MFSD11: variants seen among roughly 807,000 people sequenced by gnomAD.
The protein encoded by MFSD11 is UNC93-like protein MFSD11.
MFSD11 carries 36 observed loss-of-function variants against 53.5 expected under a neutral mutation model. The observed-to-expected ratio is 0.67, with a 90% CI of 0.52 to 0.89. MFSD11 has a LOEUF of 0.89. Ranked by LOEUF, MFSD11 falls within the 40% of genes least tolerant of loss-of-function variation. MFSD11 has a pLI of 0.00. For synonymous variants in MFSD11, 186 were observed against 184.9 expected, an observed-to-expected ratio of 1.01 and a Z score of -0.05; for missense variants, 530 against 543.9, an observed-to-expected ratio of 0.97 and a Z score of 0.25.
intron 7 of MFSD11, among the ~76,000 whole-genome samples, chr17:76,746,009 G>A (rs773291936): frequency 6.6e-6 from 1 of 152,134 alleles, no homozygotes; most frequent in Admixed American, 6.6e-5. Context: ...AGGAAGACAT[G>A]TAGAAAGCTG....
intron 7 of MFSD11, among the ~76,000 whole-genome samples, chr17:76,752,590 A>G (rs1358679901): frequency 6.6e-6 from 1 of 152,068 alleles, no homozygotes; most frequent in Non-Finnish European, 1.5e-5. Flanking sequence ...CATGTTGGCC[A>G]GGCTGATCTG....
intron 7 of MFSD11, among the ~76,000 whole-genome samples, chr17:76,746,401 G>A (rs1322621219): frequency 1.3e-5 from 2 of 152,226 alleles, no homozygotes; most frequent in African/African-American, 4.8e-5. Context: ...AAGTTATCCA[G>A]AAGATCTGGC....
chr17:76,755,769 C>CGT (rs67060734), intron 8 of MFSD11, among the ~76,000 whole-genome samples: 534 of 29,492 alleles, frequency 0.018, 57 homozygotes, highest in African/African-American at 0.039. Flanking sequence ...TATATATGTA[C>CGT]GTGTGTGTGT....
In MFSD11 at chr17:76,777,267, C is replaced by CAA. The variant is rs1055404399; in HGVS notation, c.1185+745_1185+746dup. Among the ~76,000 whole-genome samples the CAA allele has an allele frequency of 2.3e-3, 135 of 57,874 alleles. 1 individual carries two copies. The highest frequency in any genetic ancestry group is 0.022 in the Admixed American group (119 of 5,466). 38.0% of individuals were successfully genotyped at this position (57,874 alleles called of 152,430 possible). A position where few individuals can be genotyped will look rare whatever the true frequency, so the allele number is the denominator to read the frequency against. On this transcript the variant is annotated intron_variant, in intron 12 of 12. Coordinates refer to ENST00000685175, the MANE Select transcript of MFSD11 (RefSeq NM_001242532.5). ...TGGGCCACAGAGCGAGACTCCGTCT[C>CAA]AAAAAAAAAAAAAAAAAAAAGACAG...
At chr17:76,788,720 G>T in the MFSD11 span, among the ~76,000 whole-genome samples, 1 of 147,108 alleles carries the variant, frequency 6.8e-6, no homozygotes, top group African/African-American at 2.5e-5. Context: ...AGGCTTGGTG[G>T]CACGCGCCTG....
At chr17:76,791,356 T>A in the MFSD11 span, among the ~76,000 whole-genome samples, 1 of 149,436 alleles carries the variant, frequency 6.7e-6, no homozygotes, top group Admixed American at 6.7e-5. Flanking sequence ...TTGTCAGATA[T>A]TTCCAATTCT....
At chr17:76,743,333 T>C (rs1186800031) in intron 5 of MFSD11, 65 bp from the exon 6 acceptor site, 4 of 1,087,050 alleles carry the variant, frequency 3.7e-6, no homozygotes, top group Admixed American at 2.4e-5. Flanking sequence ...GGAATAATTA[T>C]TTTTAAAAAA....
the MFSD11 span, among the ~76,000 whole-genome samples, chr17:76,794,700 T>TTTG: frequency 1.5e-3 from 4 of 2,672 alleles, no homozygotes; most frequent in South Asian, 0.012. Flanking sequence ...TTTTTTTTTT[T>TTTG]TTTTTGTTTT....
intron 10 of MFSD11, among the ~76,000 whole-genome samples, 174 bp from the exon 11 acceptor site, chr17:76,774,823 T>C (rs1325079844): frequency 3.9e-5 from 6 of 152,266 alleles, no homozygotes; most frequent in Non-Finnish European, 7.3e-5. Flanking sequence ...TTTTTTGTTC[T>C]AATAGTTGAT....
intron 8 of MFSD11, among the ~76,000 whole-genome samples, chr17:76,766,154 C>T (rs184418827): frequency 2.6e-5 from 4 of 151,526 alleles, no homozygotes; most frequent in African/African-American, 7.3e-5. Flanking sequence ...TGATGGCTCA[C>T]GTCTGTGATC....
the MFSD11 span, among the ~76,000 whole-genome samples, chr17:76,790,800 C>G: frequency 7.3e-6 from 1 of 136,760 alleles, no homozygotes; most frequent in African/African-American, 3.4e-5. Flanking sequence ...ATTAGCCGGG[C>G]GTGGTGGCAC....
chr17:76,774,833 T>TG (rs1481151659), intron 10 of MFSD11, among the ~76,000 whole-genome samples, 164 bp from the exon 11 acceptor site: 1 of 152,248 alleles, frequency 6.6e-6, no homozygotes, highest in Non-Finnish European at 1.5e-5. Flanking sequence ...TAATAGTTGA[T>TG]GCTTGGTCAT....
chr17:76,749,230 C>T (rs2078824333), intron 7 of MFSD11, among the ~76,000 whole-genome samples: 1 of 152,076 alleles, frequency 6.6e-6, no homozygotes, highest in Non-Finnish European at 1.5e-5. Context: ...AATGTGATGG[C>T]CCATGCTTGG....
chr17:76,782,604 G>T (rs1012483862), downstream of MFSD11, among the ~76,000 whole-genome samples: 1 of 140,690 alleles, frequency 7.1e-6, no homozygotes, highest in African/African-American at 2.6e-5. Flanking sequence ...TCAGCCTCCC[G>T]AGTAGCTGGG....
At position 76,741,915 on chromosome 17, in the gene MFSD11, G is replaced by A. The variant is rs915726928; in HGVS notation, c.261-54G>A. ...AACTGATTCCTAGAAGGCATAATTGGCATTCTATTTCAGGTATCGTTTGAC... is the reference window on the plus strand; with the variant it reads ...AACTGATTCCTAGAAGGCATAATTGACATTCTATTTCAGGTATCGTTTGAC... On this transcript the variant is annotated intron_variant, in intron 3 of 12. Transcript: ENST00000685175. 2.2e-5 allele frequency: 36 copies of A among 1,612,302 alleles called. No homozygotes were observed. The Middle Eastern group carries it at 9.9e-4, about 44-fold the overall frequency.
chr17:76,758,193 T>C (rs895039086), intron 8 of MFSD11, among the ~76,000 whole-genome samples: 1 of 152,158 alleles, frequency 6.6e-6, no homozygotes, highest in African/African-American at 2.4e-5. Context: ...CAAGGTTAGA[T>C]AGCTGACTGC....
chr17:76,738,436 T>C lies in MFSD11; in HGVS notation c.84T>C (p.Cys28=). The C allele has an allele frequency of 6.2e-7, 1 of 1,613,402 alleles. No individual in the cohort carries two copies. Among genetic ancestry groups the C allele is most frequent in the Non-Finnish European group, 8.5e-7 (1 of 1,179,292 alleles). ...FMFMFTAFQT[C]GNVAQTVIRS... Reference sequence around the variant, plus strand: ...TTATGTTCACTGCCTTTCAAACTTGTGGAAATGTGGCGGTGAGTTGGAATC... The same window carrying C: ...TTATGTTCACTGCCTTTCAAACTTGCGGAAATGTGGCGGTGAGTTGGAATC... Residue 28 remains cysteine (C), a synonymous_variant, in exon 1 of 13, where the codon TGT becomes TGC. Coordinates refer to ENST00000685175, the MANE Select transcript of MFSD11 (RefSeq NM_001242532.5).
chr17:76,782,697 C>T (rs1189225291), downstream of MFSD11, among the ~76,000 whole-genome samples: 2 of 148,806 alleles, frequency 1.3e-5, no homozygotes, highest in Non-Finnish European at 3.0e-5. Flanking sequence ...CCAGGCTGGT[C>T]TCGAACTCTT....
the MFSD11 span, among the ~76,000 whole-genome samples, chr17:76,796,038 A>T: frequency 6.6e-6 from 1 of 152,080 alleles, no homozygotes; most frequent in Non-Finnish European, 1.5e-5. Context: ...TACCTGCTCC[A>T]TGCAAAACCA....
Sources: allele counts gnomAD v4.1 joint callset (sites outside exome capture counted in the v4.1 genomes callset), GRCh38; gene constraint gnomAD v4.1.1; transcripts MANE v1.5; gene names NCBI Gene and HGNC (gene_info 2026-07-23, HGNC 2026-07-21).